The following YAP1 variants were observed in gnomAD, a reference collection of about 807,000 sequenced individuals.
YAP1 encodes the protein transcriptional coactivator YAP1.
A neutral mutation model predicts 56.9 loss-of-function variants in YAP1; 5 were observed. The ratio of observed to expected loss-of-function variants is 0.09; its 90% confidence interval spans 0.05 to 0.18. YAP1 has a LOEUF of 0.18. Ranked by LOEUF, YAP1 falls within the 10% of genes least tolerant of loss-of-function variation. The probability of loss-of-function intolerance (pLI) is 1.00; values close to 1 mark genes in which losing one functional copy is unlikely to be tolerated. For synonymous variants in YAP1, 265 were observed against 248.1 expected (o/e 1.07, Z -0.64); for missense variants, 539 against 651.8 (o/e 0.83, Z 1.88).
chr11:102,117,279 T>A (rs1356068110), intron 2 of YAP1, among the ~76,000 whole-genome samples: 1 of 152,240 alleles, frequency 6.6e-6, no homozygotes, highest in Non-Finnish European at 1.5e-5. Flanking sequence ...GGAGTGTTGT[T>A]GTCATCAGAT....
chr11:102,194,577 G>A (rs1565254481), intron 4 of YAP1, among the ~76,000 whole-genome samples: 1 of 152,184 alleles, frequency 6.6e-6, no homozygotes, highest in African/African-American at 2.4e-5. Flanking sequence ...TACTAAACAA[G>A]TAAATAAATC....
chr11:102,180,869 G>C (rs896396576), intron 3 of YAP1, among the ~76,000 whole-genome samples: 1 of 151,518 alleles, frequency 6.6e-6, no homozygotes, highest in Admixed American at 6.6e-5. Flanking sequence ...ATTCTCGGTC[G>C]GGCATGGTAG....
chr11:102,183,804 C>T (rs1213835540), intron 3 of YAP1, among the ~76,000 whole-genome samples: 1 of 151,522 alleles, frequency 6.6e-6, no homozygotes, highest in Non-Finnish European at 1.5e-5. Flanking sequence ...GGGCCGGGCG[C>T]GGTGGCTCAC....
At position 102,231,303 on chromosome 11, in the gene YAP1, G is replaced by A. The variant is rs1263979073; in HGVS notation, c.*1363G>A. 2.0e-5 allele frequency: 3 copies of A among 152,190 alleles called. No homozygotes were observed. Among genetic ancestry groups the A allele is most frequent in the Admixed American group, 1.3e-4 (2 of 15,270 alleles). The allele number at this position is 152,190 out of a possible 1,614,324, so 9.4% of individuals were successfully genotyped here. On this transcript the variant is annotated 3_prime_UTR_variant, in exon 9 of 9. Transcript: ENST00000282441. ...AGCTTTGGAAGTTTTCTTTGCCTTA[G>A]TTTTGGAAGTAAATTCTAGTTTGTA...
chr11:102,144,101 C>A (rs1345045578), intron 2 of YAP1, among the ~76,000 whole-genome samples: 1 of 152,134 alleles, frequency 6.6e-6, no homozygotes, highest in Non-Finnish European at 1.5e-5. Context: ...TGGCTCCAGA[C>A]CTGTGATCAA....
intron 2 of YAP1, among the ~76,000 whole-genome samples, chr11:102,150,370 G>A (rs1945567816): frequency 6.6e-6 from 1 of 152,156 alleles, no homozygotes; most frequent in African/African-American, 2.4e-5. Flanking sequence ...AGAATGTTTT[G>A]ATCTTTGGCC....
intron 2 of YAP1, among the ~76,000 whole-genome samples, chr11:102,146,714 T>TA (rs1367937903): frequency 6.6e-6 from 1 of 152,200 alleles, no homozygotes; most frequent in Non-Finnish European, 1.5e-5. Flanking sequence ...GGGTACTTCT[T>TA]ACAATTCATG....
intron 2 of YAP1, among the ~76,000 whole-genome samples, chr11:102,161,814 A>G (rs1268832603): frequency 6.6e-6 from 1 of 152,204 alleles, no homozygotes; most frequent in Non-Finnish European, 1.5e-5. Context: ...TCCCAACTTT[A>G]TAGATTAAGA....
At chr11:102,124,437 T>C (rs1455958252) in intron 2 of YAP1, among the ~76,000 whole-genome samples, 1 of 152,214 alleles carries the variant, frequency 6.6e-6, no homozygotes, top group Non-Finnish European at 1.5e-5. Context: ...GTCTTCAATA[T>C]GGATGATGCC....
chr11:102,199,752 G>C (rs1486268524), intron 4 of YAP1, among the ~76,000 whole-genome samples: 1 of 152,146 alleles, frequency 6.6e-6, no homozygotes, highest in African/African-American at 2.4e-5. Context: ...AGTTTTAGGG[G>C]CCATTTGGCT....
chr11:102,144,546 A>T (rs1591215892), intron 2 of YAP1, among the ~76,000 whole-genome samples: 1 of 152,268 alleles, frequency 6.6e-6, no homozygotes, highest in East Asian at 1.9e-4. Flanking sequence ...GAGCTCATGT[A>T]TTGCAACATT....
Position 102,230,008 on chromosome 11 carries a change from A to G in YAP1, c.*68A>G, listed in dbSNP as rs905418478. 1 of 1,381,020 alleles carries G rather than the reference A, an allele frequency of 7.2e-7. No homozygotes were observed. Among genetic ancestry groups the G allele is most frequent in the Non-Finnish European group, 1.0e-6 (1 of 984,156 alleles). The allele number at this position is 1,381,020 out of a possible 1,614,324, so 85.5% of individuals were successfully genotyped here. On this transcript the variant is annotated 3_prime_UTR_variant, in exon 9 of 9. Transcript: ENST00000282441. ...GGAGACACATGCACCGGAAATTTCC[A>G]TAAGCCAGTTGCAGTTTTCAGGCTA...
chr11:102,125,122 A>G (rs935753132), intron 2 of YAP1, among the ~76,000 whole-genome samples: 2 of 146,632 alleles, frequency 1.4e-5, no homozygotes, highest in Admixed American at 1.4e-4. Flanking sequence ...CTGCAGCCTC[A>G]ACTTCTGAAC....
At chr11:102,141,147 C>T (rs1945000303) in intron 2 of YAP1, among the ~76,000 whole-genome samples, 1 of 152,130 alleles carries the variant, frequency 6.6e-6, no homozygotes, top group Non-Finnish European at 1.5e-5. Context: ...TAGATTTTTC[C>T]TGTCCAAAGT....
chr11:102,122,445 G>T (rs1273278992), intron 2 of YAP1, among the ~76,000 whole-genome samples: 3 of 151,536 alleles, frequency 2.0e-5, no homozygotes, highest in Non-Finnish European at 4.4e-5. Flanking sequence ...AAGAAGGAAA[G>T]AAAACGGAAG....
At chr11:102,159,066 T>C (rs996268220) in intron 2 of YAP1, among the ~76,000 whole-genome samples, 2 of 152,376 alleles carry the variant, frequency 1.3e-5, no homozygotes, top group Admixed American at 6.5e-5. Context: ...CATTTGGTTA[T>C]AGGGATGAGA....
At chr11:102,162,360 G>A in intron 2 of YAP1, 96 bp from the exon 3 acceptor site, 1 of 988,562 alleles carries the variant, frequency 1.0e-6, no homozygotes, top group Non-Finnish European at 1.6e-6. Context: ...CTTTTACAGA[G>A]CTCGCTTGGC....
intron 2 of YAP1, among the ~76,000 whole-genome samples, chr11:102,156,720 A>C (rs540007257): frequency 1.3e-5 from 2 of 152,202 alleles, no homozygotes; most frequent in South Asian, 2.1e-4. Context: ...AAAGATGTTC[A>C]ATTTTGCTGA....
chr11:102,224,517 A>G (rs891217884), intron 7 of YAP1, among the ~76,000 whole-genome samples: 4 of 152,244 alleles, frequency 2.6e-5, no homozygotes, highest in Admixed American at 1.3e-4. Context: ...TGATTTAAAT[A>G]ACACACTTTC....
Sources: allele counts gnomAD v4.1 joint callset (sites outside exome capture counted in the v4.1 genomes callset), GRCh38; gene constraint gnomAD v4.1.1; transcripts MANE v1.5; gene names NCBI Gene and HGNC (gene_info 2026-07-23, HGNC 2026-07-21).